Variants in HECW2 observed in about 807,000 individuals in gnomAD.
The protein encoded by HECW2 is HECT, C2 and WW domain containing E3 ubiquitin protein ligase 2, also known as E3 ubiquitin-protein ligase HECW2.
A neutral mutation model predicts 175.2 loss-of-function variants in HECW2; 61 were observed. That is an observed-to-expected ratio of 0.35 (90% CI 0.28 to 0.43). The LOEUF (loss-of-function observed/expected upper bound fraction) is 0.43, where lower values mean the gene tolerates loss of function less well. Among genes scored for constraint, HECW2 ranks in the 20% least tolerant of loss-of-function variants. The pLI, the probability that HECW2 is intolerant of heterozygous loss-of-function variation, is 1.00. For synonymous variants in HECW2, 671 were observed against 731.0 expected, an observed-to-expected ratio of 0.92 and a Z score of 1.32; for missense variants, 1,524 against 2,000.5, an observed-to-expected ratio of 0.76 and a Z score of 4.54.
chr2:196,590,191 G>T (rs1194091075), intron 1 of HECW2, among the ~76,000 whole-genome samples: 1 of 152,052 alleles, frequency 6.6e-6, no homozygotes, highest in African/African-American at 2.4e-5. Context: ...CATGTGAAAG[G>T]GGGTGCTTTT....
intron 2 of HECW2, among the ~76,000 whole-genome samples, chr2:196,404,305 C>A (rs1694901052): frequency 6.6e-6 from 1 of 152,158 alleles, no homozygotes; most frequent in Non-Finnish European, 1.5e-5. Flanking sequence ...CTTGCCTAAG[C>A]ATTAGTCATG....
chr2:196,489,994 T>C (rs916776362), intron 1 of HECW2, among the ~76,000 whole-genome samples: 6 of 152,210 alleles, frequency 3.9e-5, no homozygotes, highest in East Asian at 1.9e-4. Flanking sequence ...AGCTCCTCCA[T>C]ACTGCATAAT....
chr2:196,480,866 A>G (rs377398845), intron 1 of HECW2, among the ~76,000 whole-genome samples: 2 of 152,238 alleles, frequency 1.3e-5, no homozygotes, highest in East Asian at 1.9e-4. Flanking sequence ...GCATAGCTCA[A>G]CTGAGTTACT....
intron 1 of HECW2, among the ~76,000 whole-genome samples, chr2:196,589,801 G>T (rs948248067): frequency 2.0e-5 from 3 of 152,160 alleles, no homozygotes; most frequent in Non-Finnish European, 4.4e-5. Flanking sequence ...CAAATCAAAG[G>T]ATTTGTCCCA....
chr2:196,331,556 G>A (rs1387641604), intron 4 of HECW2, among the ~76,000 whole-genome samples: 1 of 152,186 alleles, frequency 6.6e-6, no homozygotes, highest in East Asian at 1.9e-4. Flanking sequence ...TGAGTTTAAT[G>A]AGGCTGAAAC....
chr2:196,239,889 T>C (rs1688386107), intron 21 of HECW2: 1 of 152,132 alleles, frequency 6.6e-6, no homozygotes, highest in Non-Finnish European at 1.5e-5. Flanking sequence ...GCGGGACATG[T>C]TTGTTTATGT....
intron 1 of HECW2, among the ~76,000 whole-genome samples, chr2:196,437,853 G>A (rs1695926574): frequency 1.3e-5 from 2 of 152,240 alleles, no homozygotes; most frequent in Non-Finnish European, 2.9e-5. Flanking sequence ...AGTGTCAAAT[G>A]CTGCAGGGAA....
At chr2:196,578,306 G>A (rs1690634324) in intron 1 of HECW2, among the ~76,000 whole-genome samples, 1 of 152,086 alleles carries the variant, frequency 6.6e-6, no homozygotes, top group Non-Finnish European at 1.5e-5. Flanking sequence ...ATCAACTGAG[G>A]TTATGCTGTC....
chr2:196,209,856 C>T (rs1185595711), intron 28 of HECW2, among the ~76,000 whole-genome samples: 1 of 151,860 alleles, frequency 6.6e-6, no homozygotes, highest in Non-Finnish European at 1.5e-5. Flanking sequence ...CTCCGCCTCC[C>T]GGGCTCCCGC....
chr2:196,395,942 G>C (rs1348948820), intron 2 of HECW2, among the ~76,000 whole-genome samples: 2 of 152,112 alleles, frequency 1.3e-5, no homozygotes, highest in African/African-American at 4.8e-5. Context: ...GTTCATAGGA[G>C]CACTATTCAC....
chr2:196,441,484 A>C (rs1696042586), intron 1 of HECW2, among the ~76,000 whole-genome samples: 1 of 152,082 alleles, frequency 6.6e-6, no homozygotes, highest in East Asian at 1.9e-4. Context: ...AGGGTGAAAA[A>C]CTACATTTAT....
intron 21 of HECW2, among the ~76,000 whole-genome samples, chr2:196,236,999 A>C (rs1438913012): frequency 6.6e-6 from 1 of 151,700 alleles, no homozygotes; most frequent in Non-Finnish European, 1.5e-5. Context: ...ATTCTGCAAA[A>C]TAGATTTTTT....
intron 9 of HECW2, 28 bp downstream of exon 9, chr2:196,318,524 A>T: frequency 6.9e-7 from 1 of 1,456,996 alleles, no homozygotes; most frequent in South Asian, 1.6e-5. Flanking sequence ...CGCTCGAGCC[A>T]AGAGCCACAG....
intron 5 of HECW2, among the ~76,000 whole-genome samples, chr2:196,329,268 A>T (rs1692267094): frequency 6.6e-6 from 1 of 152,144 alleles, no homozygotes; most frequent in Admixed American, 6.5e-5. Context: ...AGAATAAATT[A>T]TTTTCAATAA....
chr2:196,235,648 C>CTTTTTT lies in HECW2; in HGVS notation c.3764+4795_3764+4800dup, dbSNP rs757874073. Among the ~76,000 whole-genome samples, 195 of 78,872 alleles carry CTTTTTT rather than the reference C, an allele frequency of 2.5e-3. 2 individuals are homozygous for CTTTTTT. The highest frequency in any genetic ancestry group is 0.01 in the Middle Eastern group (1 of 98). The allele number at this position is 78,872 out of a possible 152,430, so 51.7% of individuals were successfully genotyped here. A position where few individuals can be genotyped will look rare whatever the true frequency, so the allele number is the denominator to read the frequency against. On this transcript the variant is annotated intron_variant, in intron 21 of 28. Transcript: ENST00000644978. Reference sequence around the variant, plus strand: ...TTGGAGCACAGGTAGATGCATTATTCTTTTTTTTTTTTTTTTTTTTTTTTT... The same window carrying CTTTTTT: ...TTGGAGCACAGGTAGATGCATTATTCTTTTTTTTTTTTTTTTTTTTTTTTTTTTTTT...
intron 11 of HECW2, 150 bp from the exon 12 acceptor site, chr2:196,307,383 G>A (rs887576823): frequency 2.1e-6 from 1 of 486,658 alleles, no homozygotes; most frequent in East Asian, 3.2e-5. Context: ...GCCACCTGCT[G>A]TTTAAATTAC....
intron 2 of HECW2, among the ~76,000 whole-genome samples, chr2:196,393,687 C>T (rs1317001936): frequency 6.6e-6 from 1 of 152,148 alleles, no homozygotes; most frequent in Admixed American, 6.5e-5. Flanking sequence ...GAAATAGGTA[C>T]ACTTTTACAC....
At chr2:196,279,569 T>G (rs1171537858) in intron 14 of HECW2, among the ~76,000 whole-genome samples, 1 of 152,192 alleles carries the variant, frequency 6.6e-6, no homozygotes, top group Non-Finnish European at 1.5e-5. Context: ...CCCGTTACTA[T>G]AAGAATATTC....
At chr2:196,589,590 C>A (rs1417893175) in intron 1 of HECW2, among the ~76,000 whole-genome samples, 6 of 152,120 alleles carry the variant, frequency 3.9e-5, no homozygotes, top group Non-Finnish European at 8.8e-5. Flanking sequence ...AAACAAAAGC[C>A]CTCCTATTAT....
Sources: gnomAD v4.1 joint callset for allele counts (sites outside exome capture counted in the v4.1 genomes callset) on GRCh38, gnomAD v4.1.1 for gene constraint, MANE v1.5 for transcripts, NCBI Gene and HGNC (gene_info 2026-07-23, HGNC 2026-07-21) for gene names.